CACNA1E: variants seen among roughly 807,000 people sequenced by gnomAD.
The protein encoded by CACNA1E is calcium voltage-gated channel subunit alpha1 E.
CACNA1E carries 40 observed loss-of-function variants against 259.2 expected under a neutral mutation model. The observed-to-expected ratio is 0.15, with a 90% CI of 0.12 to 0.20. The LOEUF is 0.20. Among genes scored for constraint, CACNA1E ranks in the 10% least tolerant of loss-of-function variants. CACNA1E has a pLI of 1.00. For missense variants in CACNA1E, 1,874 were observed against 3,040.1 expected, an observed-to-expected ratio of 0.62 and a Z score of 9.02; for synonymous variants, 1,104 against 1,138.5, an observed-to-expected ratio of 0.97 and a Z score of 0.61.
At chr1:181,724,403 G>C in intron 16 of CACNA1E, 67 bp from the exon 17 acceptor site, 1 of 1,242,444 alleles carries the variant, frequency 8.0e-7, no homozygotes, top group Non-Finnish European at 1.2e-6. Context: ...AGATTATCAG[G>C]TGGCCTCTCA....
At chr1:181,616,594 G>C (rs1442634389) in intron 6 of CACNA1E, among the ~76,000 whole-genome samples, 1 of 152,090 alleles carries the variant, frequency 6.6e-6, no homozygotes, top group Non-Finnish European at 1.5e-5. Context: ...CACACCCGTA[G>C]TCCCAGCTAC....
intron 8 of CACNA1E, 101 bp from the exon 9 acceptor site, chr1:181,715,237 C>G: frequency 1.4e-6 from 1 of 720,320 alleles, no homozygotes; most frequent in Non-Finnish European, 2.5e-6. Context: ...ACTCTGCTCT[C>G]TCTCTGTTGC....
Position 181,692,671 on chromosome 1 carries a change from A to G in CACNA1E, c.1056-18283A>G, listed in dbSNP as rs72733182. Among the ~76,000 whole-genome samples the G allele has an allele frequency of 7.9e-3, 1,201 of 152,082 alleles. 3 individuals carry two copies. Among genetic ancestry groups the G allele is most frequent in the Non-Finnish European group, 0.014 (946 of 67,886 alleles). On this transcript the variant is annotated intron_variant, in intron 7 of 47. Coordinates refer to ENST00000367573, the MANE Select transcript of CACNA1E (RefSeq NM_001205293.3). ...ATTAAGATGAATTAAAAATTTGAAT[A>G]TAAGACCTCAAACTATGAGAATCCA... is the stretch of plus-strand genomic sequence containing the variant.
At chr1:181,530,458 G>A (rs997974192) in intron 3 of CACNA1E, among the ~76,000 whole-genome samples, 1 of 152,174 alleles carries the variant, frequency 6.6e-6, no homozygotes, top group Non-Finnish European at 1.5e-5. Context: ...GTTTGACTGT[G>A]AAACTCAGTT....
At chr1:181,702,987 G>C (rs1347301757) in intron 7 of CACNA1E, among the ~76,000 whole-genome samples, 3 of 151,982 alleles carry the variant, frequency 2.0e-5, no homozygotes, top group Non-Finnish European at 4.4e-5. Flanking sequence ...TTTTGAGAAG[G>C]GGGTCTTATT....
chr1:181,584,450 G>A (rs921257313), intron 6 of CACNA1E, among the ~76,000 whole-genome samples: 1 of 152,170 alleles, frequency 6.6e-6, no homozygotes, highest in Non-Finnish European at 1.5e-5. Context: ...AAGTCTGGAT[G>A]CTTTCTGAGA....
At chr1:181,490,748 T>C (rs1157011060) in intron 1 of CACNA1E, among the ~76,000 whole-genome samples, 1 of 152,082 alleles carries the variant, frequency 6.6e-6, no homozygotes, top group Non-Finnish European at 1.5e-5. Context: ...CAAAGACTTG[T>C]GTCATTAAAG....
chr1:181,345,056 G>A (rs1243780209), intron 1 of CACNA1E, among the ~76,000 whole-genome samples: 1 of 152,226 alleles, frequency 6.6e-6, no homozygotes, highest in Non-Finnish European at 1.5e-5. Context: ...GACTCCTGCA[G>A]TCTTAGCCAG....
At chr1:181,524,125 A>G (rs1268407117) in intron 3 of CACNA1E, among the ~76,000 whole-genome samples, 3 of 152,222 alleles carry the variant, frequency 2.0e-5, no homozygotes, top group African/African-American at 7.2e-5. Context: ...GCCATTTCTC[A>G]GGCATTATTC....
At chr1:181,451,484 G>C (rs138252940) in intron 2 of CACNA1E, among the ~76,000 whole-genome samples, 6,145 of 152,124 alleles carry the variant, frequency 0.04, 271 homozygotes, top group African/African-American at 0.12. Context: ...TCAGGAGTTC[G>C]AGACCAGCCT....
intron 37 of CACNA1E, among the ~76,000 whole-genome samples, chr1:181,774,479 C>T (rs970194202): frequency 6.6e-6 from 1 of 152,236 alleles, no homozygotes; most frequent in African/African-American, 2.4e-5. Flanking sequence ...CCTTCCACAT[C>T]AGTGAAGTCT....
intron 2 of CACNA1E, among the ~76,000 whole-genome samples, chr1:181,431,223 G>T (rs970226643): frequency 2.0e-5 from 3 of 152,172 alleles, no homozygotes; most frequent in Non-Finnish European, 4.4e-5. Context: ...TAAGTAAGAA[G>T]CTGAAATTGC....
chr1:181,490,339 G>A (rs1664201249), intron 1 of CACNA1E, among the ~76,000 whole-genome samples: 1 of 151,532 alleles, frequency 6.6e-6, no homozygotes, highest in Non-Finnish European at 1.5e-5. Flanking sequence ...CTCCAAATTT[G>A]TAGGACTAGA....
At chr1:181,675,459 T>C (rs1649276099) in intron 7 of CACNA1E, among the ~76,000 whole-genome samples, 1 of 152,188 alleles carries the variant, frequency 6.6e-6, no homozygotes, top group Non-Finnish European at 1.5e-5. Context: ...TTTTCTTCCA[T>C]GTTTTGTTTC....
intron 29 of CACNA1E, 81 bp from the exon 30 acceptor site, chr1:181,756,841 TAAA>T (rs1228143119): frequency 1.7e-5 from 16 of 936,694 alleles, no homozygotes; most frequent in Non-Finnish European, 2.6e-5. Context: ...AGAAGTCAGA[TAAA>T]AAATTATAAT....
At position 181,755,290 on chromosome 1, in the gene CACNA1E, T is replaced by C. The variant is rs751233837; in HGVS notation, c.3882T>C (p.Ile1294=). Reference sequence around the variant, plus strand: ...TGAAGAATGTCTTCAACATACTCATTGTGTACAAGCTCTTCATGTTCATCT... The same window carrying C: ...TGAAGAATGTCTTCAACATACTCATCGTGTACAAGCTCTTCATGTTCATCT... ...TSLKNVFNIL[I]VYKLFMFIFA... is the part of the protein sequence containing the mutation. The change falls in exon 28 of 48, where the codon ATT becomes ATC. Residue 1294 remains isoleucine, a synonymous_variant. Transcript: ENST00000367573. 7 of 1,613,818 alleles carry C rather than the reference T, an allele frequency of 4.3e-6. No individual in the cohort carries two copies. Among genetic ancestry groups the C allele is most frequent in the East Asian group, 2.2e-5 (1 of 44,882 alleles).
At position 181,704,503 on chromosome 1, in the gene CACNA1E, G is replaced by C. The variant is rs2102394158; in HGVS notation, c.1056-6451G>C. On this transcript the variant is annotated intron_variant, in intron 7 of 47. Transcript: ENST00000367573. ...AAAGACTTTACAGGAACCTTGGCAA[G>C]GTTTCCCTATGGGTAGCAAAGCTCT... Among the ~76,000 whole-genome samples the C allele has an allele frequency of 2.0e-5, 3 of 152,266 alleles. No homozygotes were observed. In the South Asian group the frequency reaches 6.2e-4, roughly 32 times the overall value.
chr1:181,383,901 G>A (rs1322839538), intron 1 of CACNA1E, among the ~76,000 whole-genome samples: 2 of 152,222 alleles, frequency 1.3e-5, no homozygotes, highest in Admixed American at 1.3e-4. Flanking sequence ...CCTGCTGGCT[G>A]CATGCCAGAG....
At chr1:181,484,284 G>T (rs574021895) in intron 1 of CACNA1E, among the ~76,000 whole-genome samples, 10 of 152,124 alleles carry the variant, frequency 6.6e-5, no homozygotes, top group South Asian at 6.2e-4. Context: ...GCTGGGCTTT[G>T]TCTGATTCCC....
Sources: gnomAD v4.1 joint callset for allele counts (sites outside exome capture counted in the v4.1 genomes callset) on GRCh38, gnomAD v4.1.1 for gene constraint, MANE v1.5 for transcripts, NCBI Gene and HGNC (gene_info 2026-07-23, HGNC 2026-07-21) for gene names.